The following CDH12 variants were observed in gnomAD, a reference collection of about 807,000 sequenced individuals.
The protein encoded by CDH12 is cadherin-12.
CDH12 carries 41 observed loss-of-function variants against 74.1 expected under a neutral mutation model. The ratio of observed to expected loss-of-function variants is 0.55; its 90% confidence interval spans 0.43 to 0.72. The LOEUF is 0.72. Ranked by LOEUF, CDH12 falls within the 30% of genes least tolerant of loss-of-function variation. The pLI is 0.00. For synonymous variants in CDH12, 399 were observed against 355.0 expected (o/e 1.12, Z -1.39); for missense variants, 945 against 977.2 (o/e 0.97, Z 0.44).
chr5:22,627,916 GA>G (rs887399713), intron 1 of CDH12, among the ~76,000 whole-genome samples: 15 of 148,906 alleles, frequency 1.0e-4, no homozygotes, highest in East Asian at 2.0e-4. Context: ...ATGGAAAACA[GA>G]AAAAAAAAGT....
intron 1 of CDH12, among the ~76,000 whole-genome samples, chr5:22,834,964 C>A (rs1367733271): frequency 1.3e-5 from 2 of 151,960 alleles, no homozygotes; most frequent in Admixed American, 1.3e-4. Flanking sequence ...AAGTAAGCCA[C>A]TATGGAATAT....
intron 3 of CDH12, among the ~76,000 whole-genome samples, chr5:22,250,063 TGA>T (rs1753084519): frequency 1.3e-5 from 2 of 151,814 alleles, no homozygotes; most frequent in Non-Finnish European, 2.9e-5. Context: ...CAGAAAAAAC[TGA>T]ACAGAATTTT....
chr5:22,477,871 T>A (rs1399879151), intron 2 of CDH12, among the ~76,000 whole-genome samples: 1 of 152,194 alleles, frequency 6.6e-6, no homozygotes, highest in South Asian at 2.1e-4. Context: ...TTATGTCACA[T>A]CCACAAACCT....
intron 2 of CDH12, among the ~76,000 whole-genome samples, chr5:22,483,025 A>G: frequency 6.6e-6 from 1 of 152,186 alleles, no homozygotes. Flanking sequence ...GTATATAGGA[A>G]GAAACTCACA....
In CDH12 at chr5:21,792,598, CTTTT is replaced by C. The variant is rs371352944; in HGVS notation, c.1257-9108_1257-9105del. 5.3e-3 allele frequency among the ~76,000 whole-genome samples: 642 copies of C among 121,722 alleles called. 4 individuals are homozygous for C. The highest frequency in any genetic ancestry group is 0.01 in the African/African-American group (348 of 34,298). The allele number at this position is 121,722 out of a possible 152,430, so 79.9% of individuals were successfully genotyped here. A position where few individuals can be genotyped will look rare whatever the true frequency, so the allele number is the denominator to read the frequency against. On this transcript the variant is annotated intron_variant, in intron 10 of 14. Coordinates refer to ENST00000382254, the MANE Select transcript of CDH12 (RefSeq NM_004061.5). ...CAAGTTGCTTAAGCTTTCCTCTGCC[CTTTT>C]TTTTTTTTTTTTTTTTCTTGGAACA...
intron 5 of CDH12, among the ~76,000 whole-genome samples, chr5:22,051,828 A>G (rs975770719): frequency 1.3e-5 from 2 of 152,144 alleles, no homozygotes; most frequent in African/African-American, 2.4e-5. Flanking sequence ...AGAGCTGGAC[A>G]GCCCTTTCAG....
At chr5:22,479,056 A>G (rs1166129641) in intron 2 of CDH12, among the ~76,000 whole-genome samples, 2 of 152,200 alleles carry the variant, frequency 1.3e-5, no homozygotes, top group African/African-American at 4.8e-5. Context: ...TACATGCAAA[A>G]GAAAAGCAAC....
intron 3 of CDH12, among the ~76,000 whole-genome samples, chr5:22,290,445 GA>G: frequency 6.6e-6 from 1 of 152,226 alleles, no homozygotes; most frequent in African/African-American, 2.4e-5. Flanking sequence ...AGAGGGATTA[GA>G]ATGACAAAGG....
At position 22,318,181 on chromosome 5, in the gene CDH12, G is replaced by A. The variant is rs79556944; in HGVS notation, c.-333+87076C>T. On this transcript the variant is annotated intron_variant, in intron 3 of 14. Transcript: ENST00000382254. ...AATCACTTTAGAAAGCGGTCCTCAT[G>A]TGTTTAAGTTTCATTAGCCAGTGGG... Among the ~76,000 whole-genome samples the A allele has an allele frequency of 1.1e-3, 160 of 152,326 alleles. 1 individual carries two copies. The highest frequency in any genetic ancestry group is 1.8e-4 in the Non-Finnish European group (12 of 68,024).
intron 3 of CDH12, among the ~76,000 whole-genome samples, chr5:22,392,303 T>C (rs549831199): frequency 3.0e-4 from 46 of 152,230 alleles, no homozygotes; most frequent in African/African-American, 1.0e-3. Flanking sequence ...AAATCACATA[T>C]TACACTTACA....
intron 1 of CDH12, among the ~76,000 whole-genome samples, chr5:22,699,035 A>G (rs6882171): frequency 0.63 from 95,336 of 151,542 alleles, 30,236 homozygotes; most frequent in Admixed American, 0.71. Context: ...TTGGTGAATT[A>G]CCTCTACAAC....
intron 3 of CDH12, among the ~76,000 whole-genome samples, chr5:22,403,151 G>A (rs892496212): frequency 3.9e-5 from 6 of 152,116 alleles, no homozygotes; most frequent in South Asian, 2.1e-4. Flanking sequence ...CAACCCTACT[G>A]GTAAGTAGAT....
chr5:22,834,310 A>G (rs1224167954), intron 1 of CDH12, among the ~76,000 whole-genome samples: 3 of 152,158 alleles, frequency 2.0e-5, no homozygotes, highest in Non-Finnish European at 4.4e-5. Flanking sequence ...TGACTAATTT[A>G]TAATAATTAT....
At chr5:22,837,496 C>A (rs565901390) in intron 1 of CDH12, among the ~76,000 whole-genome samples, 1 of 152,246 alleles carries the variant, frequency 6.6e-6, no homozygotes, top group African/African-American at 2.4e-5. Flanking sequence ...GTCCTTCAGA[C>A]TATTGCCATA....
chr5:22,649,507 A>C (rs1739619805), intron 1 of CDH12, among the ~76,000 whole-genome samples: 1 of 152,048 alleles, frequency 6.6e-6, no homozygotes, highest in South Asian at 2.1e-4. Context: ...AGCAGAAAGA[A>C]CAGAGTTGAG....
At chr5:22,590,442 ATCT>A (rs1740644912) in intron 1 of CDH12, among the ~76,000 whole-genome samples, 1 of 152,136 alleles carries the variant, frequency 6.6e-6, no homozygotes. Flanking sequence ...AATTATTGTG[ATCT>A]TCTTTCACAA....
chr5:22,578,236 G>A (rs1182155095), intron 1 of CDH12, among the ~76,000 whole-genome samples: 3 of 152,096 alleles, frequency 2.0e-5, no homozygotes, highest in Non-Finnish European at 2.9e-5. Flanking sequence ...ATAGCTCTAA[G>A]TATCAATGTT....
intron 2 of CDH12, among the ~76,000 whole-genome samples, chr5:22,475,477 C>A (rs1746130926): frequency 6.6e-6 from 1 of 151,882 alleles, no homozygotes; most frequent in South Asian, 2.1e-4. Context: ...AAAATATTGA[C>A]TATATTAATA....
intron 2 of CDH12, among the ~76,000 whole-genome samples, chr5:22,489,721 G>T (rs1384660664): frequency 1.4e-5 from 2 of 145,824 alleles, no homozygotes; most frequent in African/African-American, 5.1e-5. Flanking sequence ...TTTGAGGCAG[G>T]GTCTCCCTCT....
Sources: gnomAD v4.1 joint callset for allele counts (sites outside exome capture counted in the v4.1 genomes callset) on GRCh38, gnomAD v4.1.1 for gene constraint, MANE v1.5 for transcripts, NCBI Gene and HGNC (gene_info 2026-07-23, HGNC 2026-07-21) for gene names.